The following GPT2 variants were observed in gnomAD, a reference collection of about 807,000 sequenced individuals.
The protein encoded by GPT2 is alanine aminotransferase 2.
A neutral mutation model predicts 56.9 loss-of-function variants in GPT2; 30 were observed. That is an observed-to-expected ratio of 0.53 (90% CI 0.39 to 0.72). The LOEUF is 0.72. Ranked by LOEUF, GPT2 falls within the 30% of genes least tolerant of loss-of-function variation. GPT2 has a pLI of 0.00. For missense variants in GPT2, 542 were observed against 703.4 expected (o/e 0.77, Z 2.60); for synonymous variants, 271 against 283.1 (o/e 0.96, Z 0.43).
chr16:46,922,708 C>A (rs1235228760), intron 9 of GPT2, among the ~76,000 whole-genome samples: 1 of 152,128 alleles, frequency 6.6e-6, no homozygotes, highest in Non-Finnish European at 1.5e-5. Flanking sequence ...TGATAACACA[C>A]TGGGGGGACT....
chr16:46,897,761 G>A, intron 3 of GPT2, 24 bp downstream of exon 3: 1 of 1,609,488 alleles, frequency 6.2e-7, no homozygotes, highest in Non-Finnish European at 8.5e-7. Flanking sequence ...AGGAGCAGAG[G>A]CTGCAGGAGG....
At chr16:46,895,538 C>CA (rs906796705) in intron 2 of GPT2, among the ~76,000 whole-genome samples, 2 of 151,060 alleles carry the variant, frequency 1.3e-5, no homozygotes, top group Admixed American at 6.6e-5. Flanking sequence ...AAAAAAACAA[C>CA]AAAAAAAAGG....
At chr16:46,905,329 G>A (rs1401935296) in intron 4 of GPT2, among the ~76,000 whole-genome samples, 3 of 152,164 alleles carry the variant, frequency 2.0e-5, no homozygotes, top group East Asian at 1.9e-4. Flanking sequence ...GAGTAGAGGC[G>A]TGAACCACTG....
intron 2 of GPT2, among the ~76,000 whole-genome samples, chr16:46,891,531 G>A (rs148602898): frequency 0.022 from 3,282 of 152,156 alleles, 48 homozygotes; most frequent in Middle Eastern, 0.037. Flanking sequence ...AGCCTCCCGA[G>A]TAGCTGGGAT....
chr16:46,920,146 G>A (rs538984782), intron 8 of GPT2, among the ~76,000 whole-genome samples: 16 of 152,308 alleles, frequency 1.1e-4, no homozygotes, highest in South Asian at 2.1e-4. Context: ...TCCAGGCTGC[G>A]GTGAGCTGAT....
In GPT2 at chr16:46,930,138, G is replaced by C. The variant is rs1055847546; in HGVS notation, c.*1141G>C. The C allele has an allele frequency of 1.3e-5, 2 of 152,932 alleles. No individual in the cohort carries two copies. Among genetic ancestry groups the C allele is most frequent in the Admixed American group, 6.5e-5 (1 of 15,274 alleles). 9.5% of individuals were successfully genotyped at this position (152,932 alleles called of 1,614,324 possible). A position where few individuals can be genotyped will look rare whatever the true frequency, so the allele number is the denominator to read the frequency against. ...GTGTTTTGCCTTCATGTTAGCTTCC[G>C]GCTCCCCTCCCAGGCTGCAGACTCT... On this transcript the variant is annotated 3_prime_UTR_variant, in exon 12 of 12. Transcript: ENST00000340124.
chr16:46,928,870 A>C, intron 11 of GPT2, 37 bp from the exon 12 acceptor site: 1 of 1,508,186 alleles, frequency 6.6e-7, no homozygotes. Flanking sequence ...CCCATCTTGC[A>C]GAGCAGCCAG....
At position 46,929,583 on chromosome 16, in the gene GPT2, C is replaced by G. The variant is rs571788727; in HGVS notation, c.*586C>G. On this transcript the variant is annotated 3_prime_UTR_variant, in exon 12 of 12. Transcript: ENST00000340124. ...AGCTTGGGGTAGATGCTGGGGGCTG[C>G]GGCCACGGTCAGAGGGCCCCACTGT... 6.5e-6 allele frequency: 1 copy of G among 152,824 alleles called. No homozygotes were observed. Among genetic ancestry groups the G allele is most frequent in the Non-Finnish European group, 1.5e-5 (1 of 68,528 alleles). The allele number at this position is 152,824 out of a possible 1,614,324, so 9.5% of individuals were successfully genotyped here.
chr16:46,923,623 C>T (rs1961341015), intron 9 of GPT2, among the ~76,000 whole-genome samples: 1 of 152,236 alleles, frequency 6.6e-6, no homozygotes, highest in Non-Finnish European at 1.5e-5. Flanking sequence ...CCTCCATCTG[C>T]AGCCCACACC....
chr16:46,902,329 T>C (rs1960834936), intron 4 of GPT2, among the ~76,000 whole-genome samples: 1 of 152,194 alleles, frequency 6.6e-6, no homozygotes, highest in South Asian at 2.1e-4. Flanking sequence ...TCTCTCATCC[T>C]TCAGCCAGGA....
At chr16:46,926,779 G>A (rs776970711) in intron 10 of GPT2, 146 bp from the exon 11 acceptor site, 11 of 484,258 alleles carry the variant, frequency 2.3e-5, no homozygotes, top group African/African-American at 7.9e-5. Flanking sequence ...GTATCCCAGC[G>A]TCTGGCCCTG....
rs767754264 is a variant in GPT2 at position 46,926,940 on chromosome 16, C to T, written c.1384C>T (p.Pro462Ser). 1 of 1,592,744 alleles carries T rather than the reference C, an allele frequency of 6.3e-7. No individual in the cohort carries two copies. The highest frequency in any genetic ancestry group is 8.5e-7 in the Non-Finnish European group (1 of 1,171,190). ...GCTCCCATAGGCCCATCAAATGGCT[C>T]CAGACATGTTCTACTGCATGAAGCT... ...VEAAQAHQMAPDMFYCMKLLE... is the reference protein window; with the variant it reads ...VEAAQAHQMASDMFYCMKLLE... Residue 462 changes from proline to serine, a missense_variant, in exon 11 of 12, where the codon CCA becomes TCA. Coordinates refer to ENST00000340124, the MANE Select transcript of GPT2 (RefSeq NM_133443.4).
In GPT2 at chr16:46,916,846, G is replaced by A. The variant is rs555531825; in HGVS notation, c.900+139G>A. 6.8e-5 allele frequency: 45 copies of A among 662,246 alleles called. No homozygotes were observed. The African/African-American group carries it at 7.8e-4, about 12-fold the overall frequency. The allele number at this position is 662,246 out of a possible 1,614,324, so 41.0% of individuals were successfully genotyped here. On this transcript the variant is annotated intron_variant, in intron 7 of 11. Coordinates refer to ENST00000340124, the MANE Select transcript of GPT2 (RefSeq NM_133443.4). The stretch of plus-strand genomic sequence containing the variant: ...TTCTGGCCTAGGGTGAGGATATTTA[G>A]TTTTACAACTTGTGGGACTGTGACT...
At chr16:46,928,855 C>A in intron 11 of GPT2, 52 bp from the exon 12 acceptor site, 1 of 1,381,106 alleles carries the variant, frequency 7.2e-7, no homozygotes, top group South Asian at 1.2e-5. Context: ...TGGATTCGTT[C>A]CTCTCCCATC....
At chr16:46,901,603 G>T (rs959034400) in intron 4 of GPT2, among the ~76,000 whole-genome samples, 1 of 152,218 alleles carries the variant, frequency 6.6e-6, no homozygotes, top group African/African-American at 2.4e-5. Flanking sequence ...GTCTTCCTAG[G>T]ATATGAGCCC....
chr16:46,925,992 A>G (rs538761239), intron 10 of GPT2, among the ~76,000 whole-genome samples: 2 of 151,712 alleles, frequency 1.3e-5, no homozygotes, highest in South Asian at 2.1e-4. Context: ...TTAGCTGGAC[A>G]TGGTGGCCTG....
chr16:46,926,755 A>C (rs1213411452), intron 10 of GPT2, among the ~76,000 whole-genome samples, 170 bp from the exon 11 acceptor site: 1 of 152,240 alleles, frequency 6.6e-6, no homozygotes, highest in Non-Finnish European at 1.5e-5. Flanking sequence ...TGTGCCTGGC[A>C]CCAGCCACCA....
intron 8 of GPT2, among the ~76,000 whole-genome samples, chr16:46,921,998 GCAGTGAGCTATGAT>G (rs1000930469): frequency 6.6e-6 from 1 of 152,232 alleles, no homozygotes; most frequent in African/African-American, 2.4e-5. Flanking sequence ...GGTTGAGGCT[GCAGTGAGCTATGAT>G]CATGCCACTG....
intron 2 of GPT2, among the ~76,000 whole-genome samples, chr16:46,894,162 G>C: frequency 6.6e-6 from 1 of 152,236 alleles, no homozygotes; most frequent in Admixed American, 6.5e-5. Context: ...GAGGTGCTGT[G>C]TTCCCAGGCT....
Sources: allele counts gnomAD v4.1 joint callset (sites outside exome capture counted in the v4.1 genomes callset), GRCh38; gene constraint gnomAD v4.1.1; transcripts MANE v1.5; gene names NCBI Gene and HGNC (gene_info 2026-07-23, HGNC 2026-07-21).